Variants in PHACTR3 observed in about 807,000 individuals in gnomAD.
PHACTR3 encodes the protein phosphatase and actin regulator 3, also known as protein phosphatase 1, regulatory subunit 123.
Under a neutral mutation model 66.8 loss-of-function variants are expected in PHACTR3, and 16 were observed. That is an observed-to-expected ratio of 0.24 (90% confidence interval 0.16 to 0.36). The LOEUF (loss-of-function observed/expected upper bound fraction) is 0.36, where lower values mean the gene tolerates loss of function less well. PHACTR3 is among the 10% of genes least tolerant of loss of function. The pLI is 1.00. For missense variants in PHACTR3, 647 were observed against 719.9 expected (o/e 0.90, Z 1.16); for synonymous variants, 323 against 292.1 (o/e 1.11, Z -1.08).
Position 59,847,297 on chromosome 20 carries a change from G to C in PHACTR3, c.*167G>C. ...ATCTTGACCACACTTACCTGCAAGA[G>C]GAGTAACCAGAGGACACACTTCCTT... On this transcript the variant is annotated 3_prime_UTR_variant, in exon 13 of 13. Coordinates refer to ENST00000371015, the MANE Select transcript of PHACTR3 (RefSeq NM_080672.5). 1 of 494,338 alleles carries C rather than the reference G, an allele frequency of 2.0e-6. No individual in the cohort carries two copies. Among genetic ancestry groups the C allele is most frequent in the Non-Finnish European group, 3.7e-6 (1 of 268,622 alleles). The allele number at this position is 494,338 out of a possible 1,614,324, so 30.6% of individuals were successfully genotyped here.
chr20:59,654,593 T>C lies in PHACTR3; in HGVS notation c.118+49461T>C, dbSNP rs1283691031. 2.6e-5 allele frequency among the ~76,000 whole-genome samples: 4 copies of C among 152,262 alleles called. No individual in the cohort carries two copies. In the East Asian group the frequency reaches 7.7e-4, roughly 29 times the overall value. ...CTCTAAAGGATTCTTTCCTAAAAAA[T>C]TAAGCCTGAATGTGACCAAGCTTTT... On this transcript the variant is annotated intron_variant, in intron 1 of 12. Transcript: ENST00000371015.
chr20:59,845,858 A>G (rs2059138154), intron 12 of PHACTR3, among the ~76,000 whole-genome samples: 1 of 152,180 alleles, frequency 6.6e-6, no homozygotes, highest in African/African-American at 2.4e-5. Context: ...GACTTTTCCC[A>G]TTAAGATGAA....
At chr20:59,793,727 C>A (rs1198881952) in intron 7 of PHACTR3, among the ~76,000 whole-genome samples, 1 of 151,782 alleles carries the variant, frequency 6.6e-6, no homozygotes, top group Non-Finnish European at 1.5e-5. Flanking sequence ...CAGACAGGAA[C>A]AATTTAGCTT....
chr20:59,582,935 T>G (rs1265497737), intron 1 of PHACTR3, among the ~76,000 whole-genome samples: 1 of 152,126 alleles, frequency 6.6e-6, no homozygotes, highest in Non-Finnish European at 1.5e-5. Context: ...TCCAGCTTTT[T>G]TTTTGTTTTT....
At chr20:59,840,033 T>C (rs904469784) in intron 9 of PHACTR3, among the ~76,000 whole-genome samples, 1 of 152,314 alleles carries the variant, frequency 6.6e-6, no homozygotes, top group African/African-American at 2.4e-5. Context: ...TAGATGTAAA[T>C]ATAAAGATAT....
intron 1 of PHACTR3, among the ~76,000 whole-genome samples, chr20:59,694,717 G>C (rs1042424591): frequency 4.6e-5 from 7 of 152,114 alleles, no homozygotes; most frequent in African/African-American, 1.4e-4. Context: ...ATACATAGAA[G>C]CTTTTAGAAT....
chr20:59,599,550 G>A (rs923939215), upstream of PHACTR3, among the ~76,000 whole-genome samples: 3 of 152,060 alleles, frequency 2.0e-5, no homozygotes, highest in African/African-American at 4.8e-5. Flanking sequence ...TGTCAAACGG[G>A]GCTCCTCCTC....
At chr20:59,746,278 C>T (rs1301387607) in intron 2 of PHACTR3, among the ~76,000 whole-genome samples, 1 of 152,156 alleles carries the variant, frequency 6.6e-6, no homozygotes, top group Non-Finnish European at 1.5e-5. Flanking sequence ...CAGACAACTG[C>T]CCCCCAGTCA....
chr20:59,678,801 A>C (rs1167544104), intron 1 of PHACTR3, among the ~76,000 whole-genome samples: 1 of 152,162 alleles, frequency 6.6e-6, no homozygotes, highest in Non-Finnish European at 1.5e-5. Flanking sequence ...CCTGGCTGGG[A>C]GCACCTGGAG....
chr20:59,842,288 T>A (rs1437377312), intron 11 of PHACTR3, among the ~76,000 whole-genome samples: 1 of 152,206 alleles, frequency 6.6e-6, no homozygotes, highest in Non-Finnish European at 1.5e-5. Context: ...CTTAAAGCCT[T>A]TAGGAAGAGA....
chr20:59,833,827 T>A (rs2042452634), intron 8 of PHACTR3, among the ~76,000 whole-genome samples: 1 of 152,052 alleles, frequency 6.6e-6, no homozygotes, highest in Admixed American at 6.5e-5. Flanking sequence ...GTTGCAAGGG[T>A]GCAATGGGCA....
intron 4 of PHACTR3, among the ~76,000 whole-genome samples, chr20:59,757,837 G>A (rs2039858698): frequency 2.6e-5 from 4 of 152,132 alleles, no homozygotes; most frequent in African/African-American, 7.2e-5. Flanking sequence ...GAGTGTGTGG[G>A]CACACACCTG....
At chr20:59,709,260 T>C (rs1443675894) in intron 1 of PHACTR3, among the ~76,000 whole-genome samples, 2 of 152,194 alleles carry the variant, frequency 1.3e-5, no homozygotes, top group African/African-American at 4.8e-5. Flanking sequence ...ATGTACCTTT[T>C]CCATAGATCT....
intron 3 of PHACTR3, among the ~76,000 whole-genome samples, chr20:59,752,262 C>T (rs1303334195): frequency 6.6e-6 from 1 of 152,222 alleles, no homozygotes. Flanking sequence ...CCACGACACA[C>T]GTGTGTGCCT....
intron 1 of PHACTR3, among the ~76,000 whole-genome samples, chr20:59,707,891 A>T (rs1014326575): frequency 6.6e-6 from 1 of 152,228 alleles, no homozygotes; most frequent in Non-Finnish European, 1.5e-5. Context: ...CTGCAGAACC[A>T]TGAGCCAAAT....
At chr20:59,647,716 C>T (rs1167603873) in intron 1 of PHACTR3, among the ~76,000 whole-genome samples, 1 of 152,188 alleles carries the variant, frequency 6.6e-6, no homozygotes, top group African/African-American at 2.4e-5. Flanking sequence ...ACACCCTGTA[C>T]AAACTCATCT....
intron 4 of PHACTR3, among the ~76,000 whole-genome samples, chr20:59,765,170 A>G (rs1362229228): frequency 6.6e-6 from 1 of 152,244 alleles, no homozygotes; most frequent in Non-Finnish European, 1.5e-5. Flanking sequence ...GGCAAAACTT[A>G]CTAAGTGAAA....
intron 4 of PHACTR3, among the ~76,000 whole-genome samples, chr20:59,764,135 A>T (rs771788854): frequency 6.6e-6 from 1 of 152,178 alleles, no homozygotes; most frequent in Non-Finnish European, 1.5e-5. Flanking sequence ...AACTGGCCCA[A>T]GTCAGTGCTT....
At position 59,806,095 on chromosome 20, in the gene PHACTR3, G is replaced by A. The variant is rs2041559982; in HGVS notation, c.1229G>A (p.Arg410Gln). Residue 410 changes from arginine (R) to glutamine (Q), a missense_variant, in exon 8 of 13, where the codon CGG becomes CAG. Transcript: ENST00000371015. Reference sequence around the variant, plus strand: ...CTCCTGGCCGTGAAGCTAAGGAACCGGCCAAGCAAACAGGAACTAGAAGAC... The same window carrying A: ...CTCCTGGCCGTGAAGCTAAGGAACCAGCCAAGCAAACAGGAACTAGAAGAC... ...KELLAVKLRN[R>Q]PSKQELEDRN... The A allele has an allele frequency of 1.9e-6, 3 of 1,614,228 alleles. No individual in the cohort carries two copies. Among genetic ancestry groups the A allele is most frequent in the South Asian group, 1.1e-5 (1 of 91,084 alleles).
Sources: gnomAD v4.1 joint callset for allele counts (sites outside exome capture counted in the v4.1 genomes callset) on GRCh38, gnomAD v4.1.1 for gene constraint, MANE v1.5 for transcripts, NCBI Gene and HGNC (gene_info 2026-07-23, HGNC 2026-07-21) for gene names.